NME7: variants seen among roughly 807,000 people sequenced by gnomAD.
NME7 encodes NME/NM23 family member 7.
In NME7, 41 loss-of-function variants were observed where a neutral mutation model predicts 49.1. The ratio of observed to expected loss-of-function variants is 0.83; its 90% CI spans 0.65 to 1.08. The LOEUF is 1.08. NME7 is among the 50% of genes least tolerant of loss of function. The probability of loss-of-function intolerance (pLI) is 0.00; values close to 1 mark genes in which losing one functional copy is unlikely to be tolerated. For synonymous variants in NME7, 139 were observed against 150.6 expected (o/e 0.92, Z 0.56); for missense variants, 423 against 463.4 (o/e 0.91, Z 0.80).
intron 1 of NME7, among the ~76,000 whole-genome samples, chr1:169,332,585 A>T (rs1652298091): frequency 6.6e-6 from 1 of 152,220 alleles, no homozygotes. Flanking sequence ...ACAAGGGATT[A>T]ATAACCAGAA....
intron 6 of NME7, among the ~76,000 whole-genome samples, chr1:169,294,503 A>T (rs949045347): frequency 3.9e-5 from 6 of 152,336 alleles, no homozygotes; most frequent in African/African-American, 1.4e-4. Flanking sequence ...AACTAATAGG[A>T]ATTCAAGGTA....
rs114383127 is a variant in NME7, at chr1:169,294,495, C to T, written c.648+4061G>A. 6.2e-3 allele frequency among the ~76,000 whole-genome samples: 945 copies of T among 152,200 alleles called. 10 individuals carry two copies. The highest frequency in any genetic ancestry group is 0.021 in the African/African-American group (890 of 41,526). On this transcript the variant is annotated intron_variant, in intron 6 of 11. Transcript: ENST00000367811. The stretch of plus-strand genomic sequence containing the variant: ...GATGGAATGAAAAATTAGACAATAA[C>T]TAATAGGAATTCAAGGTAAAGAAGA...
chr1:169,156,577 G>A lies in NME7; in HGVS notation c.1098+12870C>T, dbSNP rs1004870176. Among the ~76,000 whole-genome samples the A allele has an allele frequency of 4.6e-5, 7 of 152,216 alleles. No individual in the cohort carries two copies. In the East Asian group the frequency reaches 1.2e-3, roughly 25 times the overall value. ...GTCTTCGGCAAATGATTTTATAAGT[G>A]CCTATATAAAGTGGGATAAATTATA... On this transcript the variant is annotated intron_variant, in intron 11 of 11. Coordinates refer to ENST00000367811, the MANE Select transcript of NME7 (RefSeq NM_013330.5).
chr1:169,193,134 G>A (rs1249941168), intron 10 of NME7, among the ~76,000 whole-genome samples: 3 of 152,002 alleles, frequency 2.0e-5, no homozygotes, highest in African/African-American at 7.3e-5. Context: ...AATACAGTGA[G>A]ACCCCATCTC....
chr1:169,273,594 A>G lies in NME7; in HGVS notation c.754+13709T>C, dbSNP rs1225433253. ...TCATTTAGCATTAGGTATATCTCCTAATGCTATCCCTCCCCACTCCCCCTA... is the reference window on the plus strand; with the variant it reads ...TCATTTAGCATTAGGTATATCTCCTGATGCTATCCCTCCCCACTCCCCCTA... On this transcript the variant is annotated intron_variant, in intron 7 of 11. Coordinates refer to ENST00000367811, the MANE Select transcript of NME7 (RefSeq NM_013330.5). 3.8e-5 allele frequency among the ~76,000 whole-genome samples: 5 copies of G among 130,092 alleles called. 1 individual carries two copies. Among genetic ancestry groups the G allele is most frequent in the African/African-American group, 1.3e-4 (5 of 38,394 alleles). The allele number at this position is 130,092 out of a possible 152,430, so 85.3% of individuals were successfully genotyped here.
rs201280194 is a variant in NME7, at chr1:169,367,745, G to T, written c.-35C>A. 233 of 1,613,720 alleles carry T rather than the reference G, an allele frequency of 1.4e-4. No individual in the cohort carries two copies. The Admixed American group carries it at 2.2e-3, about 15-fold the overall frequency. On this transcript the variant is annotated 5_prime_UTR_variant, in exon 1 of 12. Coordinates refer to ENST00000367811, the MANE Select transcript of NME7 (RefSeq NM_013330.5). Reference sequence around the variant, plus strand: ...ATCTCAGCACTAGAAAATAGGTATCGTTGAGACAGGAAGACACCACCACCA... The same window carrying T: ...ATCTCAGCACTAGAAAATAGGTATCTTTGAGACAGGAAGACACCACCACCA...
At chr1:169,342,705 T>C in intron 1 of NME7, among the ~76,000 whole-genome samples, 1 of 51,812 alleles carries the variant, frequency 1.9e-5, no homozygotes, top group South Asian at 5.6e-4. Context: ...AGTATATATA[T>C]ATACAAGTAC....
intron 10 of NME7, among the ~76,000 whole-genome samples, chr1:169,197,561 T>A (rs1238244668): frequency 2.0e-5 from 3 of 152,092 alleles, no homozygotes; most frequent in Non-Finnish European, 4.4e-5. Context: ...AATATATACA[T>A]CCACTTTCAA....
At chr1:169,175,697 G>A (rs1030069503) in intron 10 of NME7, among the ~76,000 whole-genome samples, 4 of 151,890 alleles carry the variant, frequency 2.6e-5, no homozygotes, top group African/African-American at 7.3e-5. Flanking sequence ...GGTTTATCAC[G>A]AGGTCACTAG....
chr1:169,352,826 A>G (rs1396867372), intron 1 of NME7, among the ~76,000 whole-genome samples: 1 of 152,202 alleles, frequency 6.6e-6, no homozygotes, highest in East Asian at 1.9e-4. Flanking sequence ...TGAACAAAAT[A>G]AAATACATAG....
intron 1 of NME7, among the ~76,000 whole-genome samples, chr1:169,339,789 C>G (rs1341392502): frequency 3.3e-5 from 5 of 152,214 alleles, no homozygotes; most frequent in Non-Finnish European, 5.9e-5. Context: ...TGCCCTTGGA[C>G]TTTTACATGG....
intron 6 of NME7, among the ~76,000 whole-genome samples, chr1:169,296,866 G>A (rs1052892197): frequency 2.6e-5 from 4 of 151,922 alleles, no homozygotes; most frequent in Non-Finnish European, 4.4e-5. Flanking sequence ...AAATATATTT[G>A]TATACTTCTT....
intron 11 of NME7, among the ~76,000 whole-genome samples, chr1:169,142,024 A>G (rs1223530748): frequency 6.6e-6 from 1 of 152,150 alleles, no homozygotes; most frequent in African/African-American, 2.4e-5. Flanking sequence ...GAGAAAGGTA[A>G]TTTTTCCTAA....
intron 1 of NME7, among the ~76,000 whole-genome samples, chr1:169,349,592 A>C (rs1324441056): frequency 6.6e-6 from 1 of 152,222 alleles, no homozygotes; most frequent in African/African-American, 2.4e-5. Flanking sequence ...AATCATTTCA[A>C]GAATATCTTT....
intron 10 of NME7, among the ~76,000 whole-genome samples, chr1:169,176,734 T>TCTC (rs76224325): frequency 0.37 from 55,963 of 151,646 alleles, 10,898 homozygotes; most frequent in East Asian, 0.73. Flanking sequence ...ATCTCTTGGT[T>TCTC]CTTTTTTAAA....
intron 8 of NME7, among the ~76,000 whole-genome samples, chr1:169,236,215 GA>G (rs1458637153): frequency 6.6e-6 from 1 of 152,122 alleles, no homozygotes. Context: ...ATTTGAGCCA[GA>G]AATGATTATT....
At chr1:169,209,809 A>T (rs1660764007) in intron 10 of NME7, among the ~76,000 whole-genome samples, 1 of 152,074 alleles carries the variant, frequency 6.6e-6, no homozygotes, top group Non-Finnish European at 1.5e-5. Flanking sequence ...GGCTAGAGCC[A>T]AATTAGACTT....
chr1:169,364,815 G>A (rs888710041), intron 1 of NME7, among the ~76,000 whole-genome samples: 2 of 152,180 alleles, frequency 1.3e-5, no homozygotes, highest in Non-Finnish European at 2.9e-5. Flanking sequence ...GACTAAAACA[G>A]CCTTGTAAGA....
chr1:169,341,511 G>A (rs1446454139), intron 1 of NME7, among the ~76,000 whole-genome samples: 1 of 152,196 alleles, frequency 6.6e-6, no homozygotes, highest in African/African-American at 2.4e-5. Flanking sequence ...CCCCACTGGG[G>A]CACTGCCTGG....
Sources: allele counts gnomAD v4.1 joint callset (sites outside exome capture counted in the v4.1 genomes callset), GRCh38; gene constraint gnomAD v4.1.1; transcripts MANE v1.5; gene names NCBI Gene and HGNC (gene_info 2026-07-23, HGNC 2026-07-21).